The following TSGA10 variants were observed in gnomAD, a reference collection of about 807,000 sequenced individuals.
TSGA10 encodes the protein testis specific 10.
TSGA10 carries 43 observed loss-of-function variants against 96.6 expected under a neutral mutation model. The observed-to-expected ratio is 0.44, with a 90% CI of 0.35 to 0.57. The LOEUF is 0.57. TSGA10 is among the 20% of genes least tolerant of loss of function. The pLI is 0.01. For missense variants in TSGA10, 703 were observed against 834.4 expected (o/e 0.84, Z 1.94); for synonymous variants, 229 against 269.9 (o/e 0.85, Z 1.48).
At chr2:99,045,174 T>C (rs967985764) in intron 16 of TSGA10, among the ~76,000 whole-genome samples, 30 of 151,686 alleles carry the variant, frequency 2.0e-4, no homozygotes, top group Non-Finnish European at 3.4e-4. Context: ...AAGAAATAAC[T>C]AAGATCAGAG....
intron 10 of TSGA10, among the ~76,000 whole-genome samples, chr2:99,088,950 C>T (rs1312422249): frequency 3.3e-5 from 5 of 152,128 alleles, no homozygotes; most frequent in South Asian, 4.1e-4. Flanking sequence ...TGGAGACTCA[C>T]GTTGTGAACT....
chr2:99,134,793 T>C (rs1309617398), intron 1 of TSGA10, among the ~76,000 whole-genome samples: 3 of 152,158 alleles, frequency 2.0e-5, no homozygotes, highest in Admixed American at 6.5e-5. Context: ...TCATTTTTGT[T>C]GATATTGATG....
chr2:99,026,676 G>A (rs1020857230), intron 17 of TSGA10, among the ~76,000 whole-genome samples: 2 of 152,138 alleles, frequency 1.3e-5, no homozygotes, highest in Non-Finnish European at 2.9e-5. Flanking sequence ...GCCCGCCTCA[G>A]CCTCCCAAAG....
At chr2:99,110,783 A>T (rs1385319536) in intron 5 of TSGA10, 67 bp downstream of exon 5, 1 of 393,136 alleles carries the variant, frequency 2.5e-6, no homozygotes, top group Non-Finnish European at 3.5e-6. Context: ...CAAAGATATA[A>T]TTTTTTATAG....
rs910648187 is a variant in TSGA10, at chr2:99,071,623, C to G, written c.1107+83G>C. The G allele has an allele frequency of 1.0e-5, 14 of 1,370,278 alleles. No individual in the cohort carries two copies. The South Asian group carries it at 1.1e-4, about 11-fold the overall frequency. The allele number at this position is 1,370,278 out of a possible 1,614,324, so 84.9% of individuals were successfully genotyped here. A position where few individuals can be genotyped will look rare whatever the true frequency, so the allele number is the denominator to read the frequency against. On this transcript the variant is annotated intron_variant, in intron 14 of 20. Transcript: ENST00000393483. The stretch of plus-strand genomic sequence containing the variant: ...GGCTAGTTCCAGTGTCTGAGCTCTT[C>G]TATAAAATAAAATGAGGGCTGTTCC...
intron 10 of TSGA10, among the ~76,000 whole-genome samples, chr2:99,085,938 A>T (rs1181551147): frequency 6.6e-6 from 1 of 152,226 alleles, no homozygotes; most frequent in Non-Finnish European, 1.5e-5. Flanking sequence ...ATGGTATGGC[A>T]TTAGTCTACG....
chr2:99,117,426 G>T, intron 4 of TSGA10, 118 bp downstream of exon 4: 1 of 342,222 alleles, frequency 2.9e-6, no homozygotes, highest in Non-Finnish European at 4.1e-6. Context: ...TAAATATACT[G>T]TCAAATCTAA....
intron 1 of TSGA10, among the ~76,000 whole-genome samples, chr2:99,148,793 A>G (rs527454544): frequency 6.6e-6 from 1 of 152,196 alleles, no homozygotes; most frequent in African/African-American, 2.4e-5. Context: ...CAACATGGGG[A>G]AACCCCGTCT....
chr2:99,008,891 G>A (rs367867555), intron 20 of TSGA10, among the ~76,000 whole-genome samples: 2 of 152,150 alleles, frequency 1.3e-5, no homozygotes, highest in African/African-American at 4.8e-5. Flanking sequence ...ATTTCCAGGA[G>A]ATAGTGTTAA....
intron 10 of TSGA10, among the ~76,000 whole-genome samples, chr2:99,091,399 A>C (rs114806194): frequency 6.6e-6 from 1 of 152,102 alleles, no homozygotes; most frequent in Non-Finnish European, 1.5e-5. Flanking sequence ...TACATACATA[A>C]ATACCAAGGT....
intron 1 of TSGA10, among the ~76,000 whole-genome samples, chr2:99,133,261 G>C (rs2093178687): frequency 6.6e-6 from 1 of 152,102 alleles, no homozygotes; most frequent in African/African-American, 2.4e-5. Flanking sequence ...TTATGAATGA[G>C]GGTGCCCTGT....
chr2:99,086,148 AT>A (rs2088341821), intron 10 of TSGA10, among the ~76,000 whole-genome samples: 2 of 152,220 alleles, frequency 1.3e-5, no homozygotes, highest in South Asian at 4.1e-4. Flanking sequence ...TAACAAACCT[AT>A]ACATGTACCC....
intron 10 of TSGA10, among the ~76,000 whole-genome samples, chr2:99,087,121 G>A (rs1040380843): frequency 2.0e-5 from 3 of 151,802 alleles, no homozygotes; most frequent in East Asian, 1.9e-4. Flanking sequence ...AGAGAATGGC[G>A]TGAACCCGGG....
At chr2:99,065,871 C>A (rs2104470143) in intron 15 of TSGA10, among the ~76,000 whole-genome samples, 1 of 152,198 alleles carries the variant, frequency 6.6e-6, no homozygotes, top group East Asian at 1.9e-4. Flanking sequence ...GAAGTAGGGT[C>A]TGATTTCTAG....
chr2:99,127,069 G>GA lies in TSGA10; in HGVS notation c.-514dup. 1 of 1,289,348 alleles carries GA rather than the reference G, an allele frequency of 7.8e-7. No individual in the cohort carries two copies. The highest frequency in any genetic ancestry group is 1.0e-6 in the Non-Finnish European group (1 of 988,724). The allele number at this position is 1,289,348 out of a possible 1,614,324, so 79.9% of individuals were successfully genotyped here. A position where few individuals can be genotyped will look rare whatever the true frequency, so the allele number is the denominator to read the frequency against. ...CAACCTGTAATTTCAGTGTCGAGAT[G>GA]AATCTATCTTGGTTTCTCACTTCTT... is the stretch of plus-strand genomic sequence containing the variant. On this transcript the variant is annotated 5_prime_UTR_variant, in exon 2 of 21. Coordinates refer to ENST00000393483, the MANE Select transcript of TSGA10 (RefSeq NM_025244.4).
chr2:99,139,670 AT>A (rs1170135941), intron 1 of TSGA10, among the ~76,000 whole-genome samples: 1 of 152,238 alleles, frequency 6.6e-6, no homozygotes, highest in Non-Finnish European at 1.5e-5. Flanking sequence ...TTGGGAAACA[AT>A]CAGCAAACTA....
At chr2:99,140,921 G>A in intron 1 of TSGA10, 1 of 352,004 alleles carries the variant, frequency 2.8e-6, no homozygotes, top group Non-Finnish European at 4.9e-6. Context: ...GCCGGCAGCT[G>A]TGCCCGCCGC....
intron 1 of TSGA10, among the ~76,000 whole-genome samples, chr2:99,149,237 G>A (rs1225266417): frequency 6.6e-6 from 1 of 151,132 alleles, no homozygotes; most frequent in Non-Finnish European, 1.5e-5. Context: ...ATCTCAGGTT[G>A]CTACTATAGC....
At chr2:99,047,539 A>C (rs995059956) in intron 16 of TSGA10, among the ~76,000 whole-genome samples, 23 of 152,214 alleles carry the variant, frequency 1.5e-4, no homozygotes, top group Non-Finnish European at 2.8e-4. Context: ...TCATGCTAAA[A>C]ACTCTCAATA....
Sources: allele counts gnomAD v4.1 joint callset (sites outside exome capture counted in the v4.1 genomes callset), GRCh38; gene constraint gnomAD v4.1.1; transcripts MANE v1.5; gene names NCBI Gene and HGNC (gene_info 2026-07-23, HGNC 2026-07-21).